The following MARS1 variants were observed in gnomAD, a reference collection of about 807,000 sequenced individuals.
MARS1 encodes methionyl-tRNA synthetase 1.
Under a neutral mutation model 119.5 loss-of-function variants are expected in MARS1, and 80 were observed. The ratio of observed to expected loss-of-function variants is 0.67; its 90% CI spans 0.56 to 0.81. The LOEUF is 0.81. Ranked by LOEUF, MARS1 falls within the 30% of genes least tolerant of loss-of-function variation. MARS1 has a pLI of 0.00. For missense variants in MARS1, 945 were observed against 1,116.5 expected (o/e 0.85, Z 2.19); for synonymous variants, 418 against 433.4 (o/e 0.96, Z 0.44).
intron 4 of MARS1, 147 bp downstream of exon 4, chr12:57,489,705 T>C (rs1875779885): frequency 8.1e-7 from 1 of 1,240,804 alleles, no homozygotes. Flanking sequence ...AATCCTCAAT[T>C]TTTTTCAGTT....
At chr12:57,494,328 CTTTT>C (rs71448526) in intron 7 of MARS1, among the ~76,000 whole-genome samples, 2 of 121,224 alleles carry the variant, frequency 1.6e-5, no homozygotes, top group Admixed American at 8.7e-5. Flanking sequence ...TCTTTTTTTT[CTTTT>C]TTTTTTTTTT....
chr12:57,502,564 A>T (rs1162924781), intron 10 of MARS1, among the ~76,000 whole-genome samples: 2 of 151,446 alleles, frequency 1.3e-5, no homozygotes, highest in Non-Finnish European at 2.9e-5. Context: ...AAATTAGCTG[A>T]GTGTGGTGGT....
chr12:57,515,614 A>G (rs2140038214), intron 18 of MARS1: 1 of 566,088 alleles, frequency 1.8e-6, no homozygotes, highest in Non-Finnish European at 3.1e-6. Context: ...GCTAGCAGAT[A>G]GTGGGCAGGG....
At chr12:57,497,164 C>CA (rs1876674933) in intron 7 of MARS1, among the ~76,000 whole-genome samples, 1 of 152,094 alleles carries the variant, frequency 6.6e-6, no homozygotes, top group Admixed American at 6.6e-5. Context: ...AGATGGCCAT[C>CA]AGTGAAGGAA....
intron 15 of MARS1, 91 bp from the exon 16 acceptor site, chr12:57,514,629 C>T: frequency 2.0e-6 from 3 of 1,519,186 alleles, no homozygotes; most frequent in South Asian, 1.1e-5. Context: ...AGAGAATGTA[C>T]AGCTGTGGAA....
chr12:57,505,550 C>T (rs1292263518), intron 11 of MARS1, among the ~76,000 whole-genome samples: 1 of 152,136 alleles, frequency 6.6e-6, no homozygotes, highest in Non-Finnish European at 1.5e-5. Flanking sequence ...GCTTATCATG[C>T]CTGTAATCCT....
chr12:57,507,910 G>A (rs1461566925), intron 11 of MARS1, among the ~76,000 whole-genome samples: 2 of 151,088 alleles, frequency 1.3e-5, no homozygotes. Flanking sequence ...CAGACGGGGC[G>A]GCTGCCGGGC....
chr12:57,507,024 G>A (rs569979394), intron 11 of MARS1, among the ~76,000 whole-genome samples: 2 of 149,588 alleles, frequency 1.3e-5, no homozygotes, highest in Non-Finnish European at 3.0e-5. Flanking sequence ...GTGTCCCTGG[G>A]TACTTGAGAT....
intron 1 of MARS1, chr12:57,488,504 C>T: frequency 6.9e-7 from 1 of 1,439,142 alleles, no homozygotes. Context: ...ATCAGGCATC[C>T]CCCTCTGCTC....
Position 57,512,849 on chromosome 12 carries a change from C to T in MARS1, c.1852C>T (p.Arg618Cys), listed in dbSNP as rs587777718. ...CACGGGGATCCCTGCTGACATCTGGCGCTTCTATCTGCTGTACATTCGGCC... is the reference window on the plus strand; with the variant it reads ...CACGGGGATCCCTGCTGACATCTGGTGCTTCTATCTGCTGTACATTCGGCC... ...QDTGIPADIW[R>C]FYLLYIRPEG... The change falls in exon 15 of 21, where the codon CGC (arginine) becomes TGC (cysteine). Residue 618 changes from arginine (R) to cysteine (C), a missense_variant. By Grantham distance (180) the Arg-to-Cys change is radical (BLOSUM62 -3). Coordinates refer to ENST00000262027, the MANE Select transcript of MARS1 (RefSeq NM_004990.4). The T allele has an allele frequency of 3.3e-5, 53 of 1,614,092 alleles. No homozygotes were observed. The highest frequency in any genetic ancestry group is 4.3e-5 in the Non-Finnish European group (51 of 1,180,038).
At chr12:57,499,265 C>G (rs1387352551) in intron 9 of MARS1, among the ~76,000 whole-genome samples, 2 of 91,304 alleles carry the variant, frequency 2.2e-5, no homozygotes, top group Non-Finnish European at 4.0e-5. Context: ...GCCTGGGCAA[C>G]AAGAGCAAAA....
intron 11 of MARS1, among the ~76,000 whole-genome samples, chr12:57,507,609 G>A (rs1168671899): frequency 7.2e-6 from 1 of 139,170 alleles, no homozygotes; most frequent in Non-Finnish European, 1.6e-5. Flanking sequence ...CCGGGCGGGG[G>A]TCTGGCCCCC....
intron 15 of MARS1, 37 bp from the exon 16 acceptor site, chr12:57,514,683 T>C: frequency 2.5e-6 from 4 of 1,613,232 alleles, no homozygotes; most frequent in Non-Finnish European, 3.4e-6. Flanking sequence ...TAACTTCCCC[T>C]CTTTTTTCCA....
chr12:57,498,478 A>C lies in MARS1; in HGVS notation c.946A>C (p.Thr316Pro). ...TCTGTGTGGGACAGATGAGTATGGTACAGCAACAGAGACCAAGGCTCTGGA... is the reference window on the plus strand; with the variant it reads ...TCTGTGTGGGACAGATGAGTATGGTCCAGCAACAGAGACCAAGGCTCTGGA... ...LYLCGTDEYGTATETKALEEG... is the reference protein window; with the variant it reads ...LYLCGTDEYGPATETKALEEG... The change falls in exon 9 of 21, where the codon ACA becomes CCA. Residue 316 changes from threonine (T) to proline (P), a missense_variant. Thr to Pro is a conservative substitution (Grantham distance 38). Coordinates refer to ENST00000262027, the MANE Select transcript of MARS1 (RefSeq NM_004990.4). 6.2e-7 allele frequency: 1 copy of C among 1,614,214 alleles called. No homozygotes were observed. Among genetic ancestry groups the C allele is most frequent in the South Asian group, 1.1e-5 (1 of 91,086 alleles).
At position 57,511,716 on chromosome 12, in the gene MARS1, G is replaced by T. The variant is rs1313001176; in HGVS notation, c.1387G>T (p.Glu463Ter). 5.0e-6 allele frequency: 8 copies of T among 1,614,092 alleles called. No individual in the cohort carries two copies. The highest frequency in any genetic ancestry group is 6.8e-6 in the Non-Finnish European group (8 of 1,180,036). Residue 463 changes from glutamate (E) to a stop codon, truncating the protein, a stop_gained, in exon 12 of 21, where the codon GAG (glutamate) becomes TAG (stop). Transcript: ENST00000262027. LOFTEE classifies it high-confidence loss of function. Reference sequence around the variant, plus strand: ...ATCTCAGCTGGAGAAGCGACTGGAGGAGTGGTTGGGGAGGACATTGCCTGG... The same window carrying T: ...ATCTCAGCTGGAGAAGCGACTGGAGTAGTGGTTGGGGAGGACATTGCCTGG... ...DLPKLEKRLEEWLGRTLPGSD... is the reference protein window; with the variant it reads ...DLPKLEKRLE
At chr12:57,488,448 T>C in intron 1 of MARS1, 1 of 971,476 alleles carries the variant, frequency 1.0e-6, no homozygotes, top group Non-Finnish European at 1.5e-6. Flanking sequence ...GGTCCCCGCC[T>C]CACCCCAGTA....
intron 10 of MARS1, among the ~76,000 whole-genome samples, chr12:57,502,132 G>T (rs138744795): frequency 6.6e-6 from 1 of 152,290 alleles, no homozygotes; most frequent in Non-Finnish European, 1.5e-5. Context: ...ATTTTTGGAG[G>T]TAAACTCCAC....
At chr12:57,505,237 C>T (rs1391317656) in intron 11 of MARS1, among the ~76,000 whole-genome samples, 1 of 151,736 alleles carries the variant, frequency 6.6e-6, no homozygotes, top group Non-Finnish European at 1.5e-5. Context: ...TCTCGGCTCA[C>T]TGCAACCTCT....
intron 11 of MARS1, 57 bp from the exon 12 acceptor site, chr12:57,511,641 T>A: frequency 6.3e-7 from 1 of 1,592,126 alleles, no homozygotes. Context: ...GTGTTTATCC[T>A]TATGCTAACC....
Sources: gnomAD v4.1 joint callset for allele counts (sites outside exome capture counted in the v4.1 genomes callset) on GRCh38, gnomAD v4.1.1 for gene constraint, MANE v1.5 for transcripts, NCBI Gene and HGNC (gene_info 2026-07-23, HGNC 2026-07-21) for gene names.